Variants in TAFA4 observed in about 807,000 individuals in gnomAD.
TAFA4 encodes the protein TAFA chemokine like family member 4.
TAFA4 carries 20 observed loss-of-function variants against 21.1 expected under a neutral mutation model. The observed-to-expected ratio is 0.95, with a 90% CI of 0.67 to 1.38. The LOEUF (loss-of-function observed/expected upper bound fraction) is 1.38. TAFA4 is among the 40% of genes most tolerant of loss of function. The pLI, the probability that TAFA4 is intolerant of heterozygous loss-of-function variation, is 0.00. For synonymous variants in TAFA4, 71 were observed against 67.4 expected (o/e 1.05, Z -0.26); for missense variants, 211 against 180.9 (o/e 1.17, Z -0.95).
chr3:68,734,392 G>GTATGA (rs1702203250), intron 5 of TAFA4, among the ~76,000 whole-genome samples: 1 of 152,024 alleles, frequency 6.6e-6, no homozygotes, highest in Non-Finnish European at 1.5e-5. Context: ...AAGTAAGGTA[G>GTATGA]TACGATACAG....
chr3:68,784,684 T>C (rs987301064), intron 3 of TAFA4, among the ~76,000 whole-genome samples: 4 of 152,068 alleles, frequency 2.6e-5, no homozygotes, highest in Non-Finnish European at 1.5e-5. Context: ...TTCCACAGGG[T>C]GGAAGGGGAC....
chr3:68,732,555 A>C lies in TAFA4; in HGVS notation c.*587T>G, dbSNP rs1702168616. ...AAGCAAAAAAAAAATAGAAGTAAAAATACAATGCACACACAATAATCCAAC... is the reference window on the plus strand; with the variant it reads ...AAGCAAAAAAAAAATAGAAGTAAAACTACAATGCACACACAATAATCCAAC... On this transcript the variant is annotated 3_prime_UTR_variant, in exon 6 of 6. Transcript: ENST00000295569. The C allele has an allele frequency of 6.6e-6, 1 of 152,616 alleles. No individual in the cohort carries two copies. The highest frequency in any genetic ancestry group is 6.6e-5 in the Admixed American group (1 of 15,266). The allele number at this position is 152,616 out of a possible 1,614,324, so 9.5% of individuals were successfully genotyped here. A position where few individuals can be genotyped will look rare whatever the true frequency, so the allele number is the denominator to read the frequency against.
chr3:68,799,527 G>T (rs987375905), intron 3 of TAFA4, among the ~76,000 whole-genome samples: 21 of 152,164 alleles, frequency 1.4e-4, no homozygotes, highest in Non-Finnish European at 1.9e-4. Context: ...TGGTAAAAGA[G>T]GCTTTGCAGT....
intron 3 of TAFA4, among the ~76,000 whole-genome samples, chr3:68,856,218 C>A (rs778119512): frequency 6.6e-6 from 1 of 152,042 alleles, no homozygotes; most frequent in African/African-American, 2.4e-5. Context: ...TAGTGGTTAC[C>A]CCTGAGGAGA....
intron 3 of TAFA4, among the ~76,000 whole-genome samples, chr3:68,807,276 G>C (rs1247027891): frequency 6.6e-6 from 1 of 152,150 alleles, no homozygotes; most frequent in African/African-American, 2.4e-5. Flanking sequence ...AAAAGACAAA[G>C]GCAATTAGCA....
intron 3 of TAFA4, among the ~76,000 whole-genome samples, chr3:68,852,759 C>G (rs543576046): frequency 1.3e-5 from 2 of 152,166 alleles, no homozygotes; most frequent in Non-Finnish European, 2.9e-5. Flanking sequence ...AGTTCCCAAA[C>G]ATTATTATGT....
At chr3:68,733,974 C>T (rs1195627312) in intron 5 of TAFA4, among the ~76,000 whole-genome samples, 1 of 152,108 alleles carries the variant, frequency 6.6e-6, no homozygotes, top group Non-Finnish European at 1.5e-5. Context: ...CCCCATGGAG[C>T]TTACCTTCTA....
intron 3 of TAFA4, among the ~76,000 whole-genome samples, chr3:68,807,199 T>C (rs1703719820): frequency 1.3e-5 from 2 of 152,194 alleles, no homozygotes; most frequent in Admixed American, 1.3e-4. Context: ...AAAAACAAAA[T>C]CAAAACAAAA....
At chr3:68,832,095 G>A (rs548950053) in intron 3 of TAFA4, among the ~76,000 whole-genome samples, 42 of 152,134 alleles carry the variant, frequency 2.8e-4, no homozygotes, top group South Asian at 2.5e-3. Flanking sequence ...TTTTTTCAAG[G>A]TTTTCAGCTT....
chr3:68,819,811 A>G (rs948622486), intron 3 of TAFA4, among the ~76,000 whole-genome samples: 1 of 152,212 alleles, frequency 6.6e-6, no homozygotes, highest in African/African-American at 2.4e-5. Flanking sequence ...TGCAGAGAAA[A>G]GGGAACGCTT....
intron 1 of TAFA4, among the ~76,000 whole-genome samples, chr3:68,904,039 C>T (rs1480522109): frequency 6.8e-6 from 1 of 147,112 alleles, no homozygotes; most frequent in Admixed American, 7.0e-5. Flanking sequence ...CACCAGAAAA[C>T]TGTTGCAGAA....
At chr3:68,897,194 G>A (rs1166712036) in intron 1 of TAFA4, among the ~76,000 whole-genome samples, 6 of 152,074 alleles carry the variant, frequency 3.9e-5, no homozygotes, top group Admixed American at 1.3e-4. Context: ...GAGCCACCAC[G>A]CCTGGCCTAA....
intron 1 of TAFA4, among the ~76,000 whole-genome samples, chr3:68,930,969 C>G (rs2090152568): frequency 6.6e-6 from 1 of 152,178 alleles, no homozygotes; most frequent in Admixed American, 6.5e-5. Context: ...CAAACTGCCC[C>G]CACCTCTTCC....
rs142681791 is a variant in TAFA4 at position 68,749,083 on chromosome 3, G to A, written c.286+3780C>T. Among the ~76,000 whole-genome samples, 215 of 152,248 alleles carry A rather than the reference G, an allele frequency of 1.4e-3. 1 individual carries two copies. Among genetic ancestry groups the A allele is most frequent in the Non-Finnish European group, 2.5e-3 (170 of 68,016 alleles). ...TTTAGGACCCATACCACAGTCTCAC[G>A]ATCAAATAATTCCCTGTCCCGTCTC... On this transcript the variant is annotated intron_variant, in intron 4 of 5. Transcript: ENST00000295569.
chr3:68,901,732 T>C (rs1055159642), intron 1 of TAFA4, among the ~76,000 whole-genome samples: 2 of 152,212 alleles, frequency 1.3e-5, no homozygotes, highest in African/African-American at 4.8e-5. Flanking sequence ...AAGCCCTCTC[T>C]ATTTGTAAAA....
At chr3:68,807,952 T>C (rs1032951985) in intron 3 of TAFA4, among the ~76,000 whole-genome samples, 6 of 152,238 alleles carry the variant, frequency 3.9e-5, no homozygotes, top group Non-Finnish European at 8.8e-5. Flanking sequence ...GATTATTGTA[T>C]GTGTCTTCTT....
chr3:68,912,126 C>T (rs1482132324), intron 1 of TAFA4, among the ~76,000 whole-genome samples: 1 of 152,142 alleles, frequency 6.6e-6, no homozygotes, highest in Non-Finnish European at 1.5e-5. Context: ...GTTATTTTCC[C>T]CATTGTCTGT....
chr3:68,858,468 A>G (rs536762102), intron 3 of TAFA4, among the ~76,000 whole-genome samples: 2 of 152,214 alleles, frequency 1.3e-5, no homozygotes, highest in East Asian at 1.9e-4. Context: ...AGGAAGAGAA[A>G]TCATCACTTT....
At chr3:68,844,847 C>G (rs6782066) in intron 3 of TAFA4, among the ~76,000 whole-genome samples, 1 of 151,984 alleles carries the variant, frequency 6.6e-6, no homozygotes, top group African/African-American at 2.4e-5. Context: ...TTTCTTAATC[C>G]TGAGTTCTAA....
Sources: gnomAD v4.1 joint callset for allele counts (sites outside exome capture counted in the v4.1 genomes callset) on GRCh38, gnomAD v4.1.1 for gene constraint, MANE v1.5 for transcripts, NCBI Gene and HGNC (gene_info 2026-07-23, HGNC 2026-07-21) for gene names.